The following UBA6 variants were observed in gnomAD, a reference collection of about 807,000 sequenced individuals.
UBA6 encodes the protein ubiquitin-like modifier-activating enzyme 6.
Under a neutral mutation model 148.3 loss-of-function variants are expected in UBA6, and 87 were observed. That is an observed-to-expected ratio of 0.59 (90% CI 0.49 to 0.70). UBA6 has a LOEUF of 0.70. Among genes scored for constraint, UBA6 ranks in the 30% least tolerant of loss-of-function variants. UBA6 has a pLI of 0.00. For missense variants in UBA6, 1,186 were observed against 1,241.2 expected (o/e 0.96, Z 0.67); for synonymous variants, 376 against 401.0 (o/e 0.94, Z 0.75).
At chr4:67,663,097 T>A (rs1040331643) in intron 12 of UBA6, 42 bp downstream of exon 12, 4 of 1,473,980 alleles carry the variant, frequency 2.7e-6, no homozygotes, top group Non-Finnish European at 2.8e-6. Context: ...ACTACTACTT[T>A]TATAAAAAGG....
intron 13 of UBA6, among the ~76,000 whole-genome samples, chr4:67,656,080 C>A (rs138403655): frequency 6.6e-6 from 1 of 152,086 alleles, no homozygotes; most frequent in African/African-American, 2.4e-5. Context: ...CAGGACCAGA[C>A]GGATTCAAAG....
Position 67,682,229 on chromosome 4 carries a change from A to T in UBA6, c.135-16T>A. The T allele has an allele frequency of 6.3e-7, 1 of 1,586,498 alleles. No individual in the cohort carries two copies. Among genetic ancestry groups the T allele is most frequent in the Non-Finnish European group, 8.6e-7 (1 of 1,158,504 alleles). On this transcript the variant is annotated splice_polypyrimidine_tract_variant and intron_variant, in intron 2 of 32. Transcript: ENST00000322244. Reference sequence around the variant, plus strand: ...CCTCTGTCGACTACACGGAAAACACAATAAAAAACAAAAAATTATTTCACT... The same window carrying T: ...CCTCTGTCGACTACACGGAAAACACTATAAAAAACAAAAAATTATTTCACT...
chr4:67,639,774 A>G (rs1729259520), intron 18 of UBA6, among the ~76,000 whole-genome samples: 1 of 152,196 alleles, frequency 6.6e-6, no homozygotes, highest in East Asian at 1.9e-4. Flanking sequence ...ATAGTAAGAG[A>G]TTAATAACAA....
chr4:67,634,370 A>AATTT, intron 21 of UBA6, 48 bp from the exon 22 acceptor site: 5 of 1,560,598 alleles, frequency 3.2e-6, no homozygotes, highest in Non-Finnish European at 4.3e-6. Flanking sequence ...AGTCTGTTTA[A>AATTT]AGTCAGAAAT....
In UBA6 at chr4:67,685,155, C is replaced by T. The variant is rs927725724; in HGVS notation, c.135-2942G>A. On this transcript the variant is annotated intron_variant, in intron 2 of 32. Coordinates refer to ENST00000322244, the MANE Select transcript of UBA6 (RefSeq NM_018227.6). ...CCTGATTCCCACTCCCCAAAGATAA[C>T]TAGTCTCAATTTTTTAGTCATTTCT... Among the ~76,000 whole-genome samples the T allele has an allele frequency of 7.2e-5, 11 of 152,228 alleles. No individual in the cohort carries two copies. The East Asian group carries it at 1.7e-3, about 24-fold the overall frequency.
chr4:67,669,289 T>G (rs1190465352), intron 8 of UBA6, among the ~76,000 whole-genome samples: 1 of 152,168 alleles, frequency 6.6e-6, no homozygotes, highest in East Asian at 1.9e-4. Context: ...AGTCTTAATA[T>G]GCCTGAAAGA....
intron 2 of UBA6, among the ~76,000 whole-genome samples, chr4:67,686,952 TAAAAAAAAAAAAAAAAAAAAA>T (rs546442640): frequency 0.24 from 13,937 of 57,266 alleles, 1,196 homozygotes; most frequent in South Asian, 0.43. Context: ...ATCCTGTCTC[TAAAAAAAAAAAAAAAAAAAAA>T]AAAAAAAAAA....
chr4:67,618,904 C>T lies in UBA6; in HGVS notation c.*93G>A. On this transcript the variant is annotated 3_prime_UTR_variant, in exon 33 of 33. Transcript: ENST00000322244. ...ATTAAGGCTTAATGAAAGAGAAATC[C>T]ATAGTATTATGAACTGATTTTCTTT... The T allele has an allele frequency of 8.0e-7, 1 of 1,245,362 alleles. No homozygotes were observed. The highest frequency in any genetic ancestry group is 1.6e-5 in the South Asian group (1 of 63,868). The allele number at this position is 1,245,362 out of a possible 1,614,324, so 77.1% of individuals were successfully genotyped here. A position where few individuals can be genotyped will look rare whatever the true frequency, so the allele number is the denominator to read the frequency against.
intron 13 of UBA6, among the ~76,000 whole-genome samples, chr4:67,655,132 C>G (rs1246549466): frequency 1.3e-5 from 2 of 152,150 alleles, no homozygotes; most frequent in Non-Finnish European, 2.9e-5. Flanking sequence ...GACAGGGCAA[C>G]AAGACAGAAG....
Position 67,631,737 on chromosome 4 carries a change from A to G in UBA6, c.2229T>C (p.Ser743=). The G allele has an allele frequency of 1.2e-6, 2 of 1,610,766 alleles. No individual in the cohort carries two copies. The highest frequency in any genetic ancestry group is 1.7e-6 in the Non-Finnish European group (2 of 1,178,536). The change falls in exon 25 of 33, where the codon TCT becomes TCC. Residue 743 remains serine (S), a synonymous_variant. Transcript: ENST00000322244. ...GCTCATTTAAATCAAATTTTATTGG[A>G]GAGGGTGGCCTCTTTGGTGACTGCC... is the stretch of plus-strand genomic sequence containing the variant. ...LFWQSPKRPP[S]PIKFDLNEPL...
intron 13 of UBA6, among the ~76,000 whole-genome samples, chr4:67,655,313 A>G (rs1729659620): frequency 6.6e-6 from 1 of 152,252 alleles, no homozygotes; most frequent in African/African-American, 2.4e-5. Flanking sequence ...CAGCAAATGT[A>G]AAAGAACAGA....
chr4:67,637,906 CT>C (rs1395857575), intron 19 of UBA6, among the ~76,000 whole-genome samples: 4 of 150,476 alleles, frequency 2.7e-5, no homozygotes, highest in East Asian at 2.0e-4. Context: ...CCAAATCCCC[CT>C]ATGCGAGAAA....
At chr4:67,660,663 A>T (rs1729826490) in intron 13 of UBA6, among the ~76,000 whole-genome samples, 1 of 152,186 alleles carries the variant, frequency 6.6e-6, no homozygotes, top group Non-Finnish European at 1.5e-5. Context: ...GCAGAAGGAT[A>T]ATGTGGGGTT....
At chr4:67,661,441 T>C (rs534874494) in intron 13 of UBA6, among the ~76,000 whole-genome samples, 1 of 152,304 alleles carries the variant, frequency 6.6e-6, no homozygotes, top group Admixed American at 6.5e-5. Context: ...ACTCACACTG[T>C]CCTGCCACCC....
chr4:67,694,022 G>C lies in UBA6; in HGVS notation c.134+2623C>G, dbSNP rs569366922. 9.9e-5 allele frequency among the ~76,000 whole-genome samples: 15 copies of C among 151,604 alleles called. No homozygotes were observed. The South Asian group carries it at 2.9e-3, about 30-fold the overall frequency. On this transcript the variant is annotated intron_variant, in intron 2 of 32. Coordinates refer to ENST00000322244, the MANE Select transcript of UBA6 (RefSeq NM_018227.6). The stretch of plus-strand genomic sequence containing the variant: ...GAGGTCAAGAGACTGAGATCATCCT[G>C]GCCAACATGGTGAAACCCCGCCTCT...
rs972801226 is a variant in UBA6, at chr4:67,664,051, G to C, written c.898-104C>G. On this transcript the variant is annotated intron_variant, in intron 10 of 32. Transcript: ENST00000322244. ...CTAAAAACTAGGGAACTCTCCCAAG[G>C]GTCTGAAATAAAGTAGGGTTGGGCT... 1.8e-4 allele frequency: 145 copies of C among 825,588 alleles called. 1 individual carries two copies. The African/African-American group carries it at 2.3e-3, about 13-fold the overall frequency. 51.1% of individuals were successfully genotyped at this position (825,588 alleles called of 1,614,324 possible). A position where few individuals can be genotyped will look rare whatever the true frequency, so the allele number is the denominator to read the frequency against.
Position 67,626,425 on chromosome 4 carries a change from C to T in UBA6, c.2453G>A (p.Ser818Asn). The part of the protein sequence containing the change: ...ARKPDHVPIS[S>N]EDERNAIFQL... ...GAAAATTGCATTCCTCTCATCTTCA[C>T]TGCTAATAGGAACATGGTCTGGTTT... Residue 818 changes from serine to asparagine, a missense_variant, in exon 28 of 33, where the codon AGT becomes AAT. Coordinates refer to ENST00000322244, the MANE Select transcript of UBA6 (RefSeq NM_018227.6). The T allele has an allele frequency of 6.2e-7, 1 of 1,611,642 alleles. No individual in the cohort carries two copies.
At position 67,677,693 on chromosome 4, in the gene UBA6, T is replaced by C; in HGVS notation, c.383A>G (p.Glu128Gly). The change falls in exon 6 of 33, where the codon GAA (glutamate) becomes GGA (glycine). Residue 128 changes from glutamate (E) to glycine (G), a missense_variant. Coordinates refer to ENST00000322244, the MANE Select transcript of UBA6 (RefSeq NM_018227.6). ...TGTGACATGAACGTATGGATTTAGT[T>C]CTGCAATATGTTTAAGTACAGCTTC... is the stretch of plus-strand genomic sequence containing the variant. ...RAEAVLKHIA[E>G]LNPYVHVTSS... 1 of 1,602,586 alleles carries C rather than the reference T, an allele frequency of 6.2e-7. No individual in the cohort carries two copies. Among genetic ancestry groups the C allele is most frequent in the Non-Finnish European group, 8.5e-7 (1 of 1,171,960 alleles).
In UBA6 at chr4:67,670,658, G is replaced by A. The variant is rs1192055203; in HGVS notation, c.547-66C>T. 2.5e-6 allele frequency: 3 copies of A among 1,216,190 alleles called. No individual in the cohort carries two copies. The African/African-American group carries it at 4.6e-5, about 19-fold the overall frequency. The allele number at this position is 1,216,190 out of a possible 1,614,324, so 75.3% of individuals were successfully genotyped here. Reference sequence around the variant, plus strand: ...AGAAAAAAACACTCTAGTATCTTAGGCCATTTCATAACAATTTAATTTATA... The same window carrying A: ...AGAAAAAAACACTCTAGTATCTTAGACCATTTCATAACAATTTAATTTATA... On this transcript the variant is annotated intron_variant, in intron 7 of 32. Coordinates refer to ENST00000322244, the MANE Select transcript of UBA6 (RefSeq NM_018227.6).
Sources: allele counts gnomAD v4.1 joint callset (sites outside exome capture counted in the v4.1 genomes callset), GRCh38; gene constraint gnomAD v4.1.1; transcripts MANE v1.5; gene names NCBI Gene and HGNC (gene_info 2026-07-23, HGNC 2026-07-21).